ADAMTSL1: variants seen among roughly 807,000 people sequenced by gnomAD.
The protein encoded by ADAMTSL1 is ADAMTS like 1, also known as ADAMTS-like protein 1.
ADAMTSL1 carries 126 observed loss-of-function variants against 201.8 expected under a neutral mutation model. The ratio of observed to expected loss-of-function variants is 0.62; its 90% CI spans 0.54 to 0.72. The LOEUF is 0.72. ADAMTSL1 is among the 30% of genes least tolerant of loss of function. ADAMTSL1 has a pLI of 0.00. For synonymous variants in ADAMTSL1, 1,121 were observed against 903.4 expected (o/e 1.24, Z -4.32); for missense variants, 2,679 against 2,277.8 (o/e 1.18, Z -3.59).
At chr9:18,655,249 AC>A (rs763750726) in intron 7 of ADAMTSL1, among the ~76,000 whole-genome samples, 2 of 151,720 alleles carry the variant, frequency 1.3e-5, no homozygotes, top group Non-Finnish European at 2.9e-5. Context: ...CTCAACCATA[AC>A]CCCCCATACA....
At chr9:18,886,560 G>C (rs2131534766) in intron 23 of ADAMTSL1, among the ~76,000 whole-genome samples, 1 of 152,264 alleles carries the variant, frequency 6.6e-6, no homozygotes, top group South Asian at 2.1e-4. Context: ...CTGGAGTCTG[G>C]CAAGTCCCAG....
intron 23 of ADAMTSL1, among the ~76,000 whole-genome samples, chr9:18,862,009 G>A (rs1056953849): frequency 3.3e-5 from 5 of 152,244 alleles, no homozygotes; most frequent in African/African-American, 7.2e-5. Context: ...AGGTCTTTGC[G>A]TTCCCCTGGT....
intron 2 of ADAMTSL1, among the ~76,000 whole-genome samples, chr9:18,382,995 G>T (rs114532918): frequency 0.018 from 2,753 of 152,282 alleles, 93 homozygotes; most frequent in African/African-American, 0.063. Flanking sequence ...TAAATGTGAA[G>T]TAAACCCTGT....
chr9:18,567,643 C>G lies in ADAMTSL1; in HGVS notation c.238-6387C>G, dbSNP rs143606856. On this transcript the variant is annotated intron_variant, in intron 3 of 28. Coordinates refer to ENST00000380548, the MANE Select transcript of ADAMTSL1 (RefSeq NM_001040272.6). ...GAGCAGTTGTATACAGTAGTCCCCC[C>G]CTTATTCTCAGGGAATATGCTCCAA... Among the ~76,000 whole-genome samples, 411 of 152,090 alleles carry G rather than the reference C, an allele frequency of 2.7e-3. 3 individuals carry two copies. The highest frequency in any genetic ancestry group is 8.1e-3 in the African/African-American group (338 of 41,494).
chr9:17,973,606 C>T (rs2131436952), intron 1 of ADAMTSL1, among the ~76,000 whole-genome samples: 1 of 82,400 alleles, frequency 1.2e-5, no homozygotes, highest in African/African-American at 3.6e-5. Context: ...CGTGATGCCT[C>T]CAGCTTTGTT....
chr9:18,738,589 C>T (rs1818649124), intron 15 of ADAMTSL1, among the ~76,000 whole-genome samples: 1 of 152,128 alleles, frequency 6.6e-6, no homozygotes, highest in South Asian at 2.1e-4. Context: ...TGTTCTTATT[C>T]AGAATCTAAT....
At chr9:18,057,528 T>C (rs1822249290) in intron 1 of ADAMTSL1, among the ~76,000 whole-genome samples, 1 of 152,224 alleles carries the variant, frequency 6.6e-6, no homozygotes, top group African/African-American at 2.4e-5. Context: ...GAGGGATATT[T>C]GTGACTAGCG....
chr9:18,299,022 A>AC (rs35337706), intron 2 of ADAMTSL1, among the ~76,000 whole-genome samples: 1 of 122,288 alleles, frequency 8.2e-6, no homozygotes, highest in Non-Finnish European at 1.8e-5. Flanking sequence ...AAAAAAAAAA[A>AC]ATAATAATAA....
At chr9:18,559,581 C>G (rs758801886) in intron 3 of ADAMTSL1, among the ~76,000 whole-genome samples, 2 of 152,150 alleles carry the variant, frequency 1.3e-5, no homozygotes, top group Non-Finnish European at 2.9e-5. Flanking sequence ...AGCATTGAAT[C>G]TATAAATAAC....
At chr9:18,053,081 A>G (rs1268701193) in intron 1 of ADAMTSL1, among the ~76,000 whole-genome samples, 2 of 152,228 alleles carry the variant, frequency 1.3e-5, no homozygotes, top group African/African-American at 2.4e-5. Context: ...CCATAAAGCT[A>G]AAGGAACACA....
intron 2 of ADAMTSL1, among the ~76,000 whole-genome samples, chr9:18,420,645 T>C (rs1587143026): frequency 6.6e-6 from 1 of 151,974 alleles, no homozygotes; most frequent in African/African-American, 2.4e-5. Flanking sequence ...CTGGTATCAT[T>C]GATAGCAGGG....
intron 1 of ADAMTSL1, among the ~76,000 whole-genome samples, chr9:18,482,892 T>C (rs549325579): frequency 6.6e-6 from 1 of 152,310 alleles, no homozygotes; most frequent in East Asian, 1.9e-4. Context: ...TTATAACCAT[T>C]TGTCACTGAG....
At chr9:18,188,278 C>G (rs1208674658) in intron 2 of ADAMTSL1, among the ~76,000 whole-genome samples, 1 of 152,100 alleles carries the variant, frequency 6.6e-6, no homozygotes, top group Non-Finnish European at 1.5e-5. Flanking sequence ...CCCACTCAAC[C>G]CTACACACCG....
At chr9:18,009,819 G>T (rs1409458320) in intron 1 of ADAMTSL1, among the ~76,000 whole-genome samples, 1 of 151,994 alleles carries the variant, frequency 6.6e-6, no homozygotes, top group South Asian at 2.1e-4. Flanking sequence ...AAATAGTCAC[G>T]AAGCAATTCT....
intron 1 of ADAMTSL1, among the ~76,000 whole-genome samples, chr9:18,068,850 A>G (rs1237850846): frequency 1.3e-5 from 2 of 152,226 alleles, no homozygotes; most frequent in Admixed American, 6.5e-5. Flanking sequence ...TGAAAGATCA[A>G]TTACAGAGTG....
chr9:18,078,508 G>A (rs1368218769), intron 1 of ADAMTSL1, among the ~76,000 whole-genome samples: 2 of 152,168 alleles, frequency 1.3e-5, no homozygotes, highest in Admixed American at 1.3e-4. Flanking sequence ...CTCATCCAGG[G>A]TTGTGCTCAG....
chr9:18,444,337 A>G (rs780588807), intron 2 of ADAMTSL1, among the ~76,000 whole-genome samples: 3 of 152,128 alleles, frequency 2.0e-5, no homozygotes, highest in Non-Finnish European at 2.9e-5. Context: ...CCTTTTATGG[A>G]TGAGGCCATT....
intron 2 of ADAMTSL1, among the ~76,000 whole-genome samples, chr9:18,435,716 C>T (rs1283527663): frequency 6.6e-6 from 1 of 152,162 alleles, no homozygotes; most frequent in African/African-American, 2.4e-5. Context: ...TTGAGCAGGC[C>T]TCACAATCAT....
chr9:18,885,811 A>T (rs1400168736), intron 23 of ADAMTSL1, among the ~76,000 whole-genome samples: 1 of 152,120 alleles, frequency 6.6e-6, no homozygotes, highest in Non-Finnish European at 1.5e-5. Flanking sequence ...CCAGCTGAAC[A>T]AGTAGCAGGT....
Sources: allele counts gnomAD v4.1 joint callset (sites outside exome capture counted in the v4.1 genomes callset), GRCh38; gene constraint gnomAD v4.1.1; transcripts MANE v1.5; gene names NCBI Gene and HGNC (gene_info 2026-07-23, HGNC 2026-07-21).